The following DNAAF2 variants were observed in gnomAD, a reference collection of about 807,000 sequenced individuals.
DNAAF2 encodes the protein protein kintoun.
DNAAF2 carries 58 observed loss-of-function variants against 48.8 expected under a neutral mutation model. That is an observed-to-expected ratio of 1.19 (90% CI 0.96 to 1.48). The LOEUF is 1.48. Among genes scored for constraint, DNAAF2 ranks in the 40% most tolerant of loss-of-function variants. The pLI, the probability that DNAAF2 is intolerant of heterozygous loss-of-function variation, is 0.00. For synonymous variants in DNAAF2, 567 were observed against 481.2 expected (o/e 1.18, Z -2.33); for missense variants, 1,241 against 1,116.1 (o/e 1.11, Z -1.59).
intron 1 of DNAAF2, among the ~76,000 whole-genome samples, chr14:49,630,234 C>CAAATAAATAAATAAATAAATAAAT (rs55681110): frequency 1.4e-5 from 2 of 147,060 alleles, no homozygotes; most frequent in South Asian, 2.2e-4. Context: ...CTCTGTCTCC[C>CAAATAAATAAATAAATAAATAAAT]AAATAAATAA....
At chr14:49,632,447 CTT>C (rs3029726) in intron 1 of DNAAF2, among the ~76,000 whole-genome samples, 64,367 of 146,940 alleles carry the variant, frequency 0.44, 15,278 homozygotes, top group Middle Eastern at 0.54. Flanking sequence ...CTTAATTTTT[CTT>C]TTTTTTTTTT....
intron 1 of DNAAF2, among the ~76,000 whole-genome samples, chr14:49,631,177 C>T (rs564927474): frequency 5.5e-4 from 83 of 152,292 alleles, no homozygotes; most frequent in Admixed American, 9.2e-4. Context: ...TCCAGAATAA[C>T]ACAGTGTTAC....
Position 49,634,022 on chromosome 14 carries a change from G to C in DNAAF2, c.1128C>G (p.Asp376Glu), listed in dbSNP as rs764335344. 4.2e-5 allele frequency: 64 copies of C among 1,522,400 alleles called. No homozygotes were observed. Among genetic ancestry groups the C allele is most frequent in the Non-Finnish European group, 4.3e-5 (49 of 1,140,896 alleles). 94.3% of individuals were successfully genotyped at this position (1,522,400 alleles called of 1,614,324 possible). Reference protein sequence around the residue: ...PEESADRSGTDGQACASAREG... With the variant: ...PEESADRSGTEGQACASAREG... Reference sequence around the variant, plus strand: ...CGCGAGCGGAAGCGCAGGCCTGGCCGTCAGTTCCGGACCGGTCCGCGGACT... The same window carrying C: ...CGCGAGCGGAAGCGCAGGCCTGGCCCTCAGTTCCGGACCGGTCCGCGGACT... The change falls in exon 1 of 3, where the codon GAC becomes GAG. Residue 376 changes from aspartate to glutamate, a missense_variant. Physicochemically the swap from Asp to Glu is conservative, Grantham distance 45. Transcript: ENST00000298292.
rs151051293 is a variant in DNAAF2 at position 49,625,581 on chromosome 14, T to G, written c.2475A>C (p.Ala825=). 1 of 1,606,010 alleles carries G rather than the reference T, an allele frequency of 6.2e-7. No homozygotes were observed. Among genetic ancestry groups the G allele is most frequent in the Non-Finnish European group, 8.5e-7 (1 of 1,177,114 alleles). ...QVIKDHVTNC[A]FSFQNSLLYD... ...ATAGCAAAGAATTCTGAAAACTGAA[T>G]GCACAATTGGTCACATGATCTTTAA... The change falls in exon 3 of 3, where the codon GCA becomes GCC. Residue 825 remains alanine (A), a synonymous_variant. Coordinates refer to ENST00000298292, the MANE Select transcript of DNAAF2 (RefSeq NM_018139.3).
Position 49,634,606 on chromosome 14 carries a change from G to C in DNAAF2, c.544C>G (p.Arg182Gly), listed in dbSNP as rs1227265660. 1 of 1,606,552 alleles carries C rather than the reference G, an allele frequency of 6.2e-7. No homozygotes were observed. The highest frequency in any genetic ancestry group is 8.5e-7 in the Non-Finnish European group (1 of 1,179,752). The change falls in exon 1 of 3, where the codon CGC becomes GGC. Residue 182 changes from arginine to glycine, a missense_variant. Transcript: ENST00000298292. ...VEKQFGVKLD[R>G]RNAKTLKAKY... is the part of the protein sequence containing the mutation. Reference sequence around the variant, plus strand: ...GCCTTCAGGGTCTTGGCATTCCTGCGGTCCAGCTTCACGCCGAACTGCTTC... The same window carrying C: ...GCCTTCAGGGTCTTGGCATTCCTGCCGTCCAGCTTCACGCCGAACTGCTTC...
Position 49,634,557 on chromosome 14 carries a change from G to T in DNAAF2, c.593C>A (p.Ala198Asp). Residue 198 changes from alanine (A) to aspartate (D), a missense_variant, in exon 1 of 3, where the codon GCT becomes GAT. Coordinates refer to ENST00000298292, the MANE Select transcript of DNAAF2 (RefSeq NM_018139.3). Reference sequence around the variant, plus strand: ...GGGCAGGGGCGTGCGCAGCACCGCAGCCTCTGGGGTCCCCTTATACTTGGC... The same window carrying T: ...GGGCAGGGGCGTGCGCAGCACCGCATCCTCTGGGGTCCCCTTATACTTGGC... ...LKAKYKGTPE[A>D]AVLRTPLPGV... 1.2e-6 allele frequency: 2 copies of T among 1,603,964 alleles called. No homozygotes were observed. Among genetic ancestry groups the T allele is most frequent in the South Asian group, 2.2e-5 (2 of 91,084 alleles).
At position 49,633,378 on chromosome 14, in the gene DNAAF2, G is replaced by T; in HGVS notation, c.1772C>A (p.Ser591Ter). 1.2e-6 allele frequency: 2 copies of T among 1,614,060 alleles called. No individual in the cohort carries two copies. The highest frequency in any genetic ancestry group is 1.7e-6 in the Non-Finnish European group (2 of 1,179,904). Residue 591 changes from serine (S) to a stop codon, truncating the protein, a stop_gained, in exon 1 of 3, where the codon TCA (serine) becomes TAA (stop). Transcript: ENST00000298292. LOFTEE classifies it high-confidence loss of function. ...STTEPVISIS[S>*]NNAVIELAKS... ...TGCCAGTTCTATCACTGCATTGTTT[G>T]AAGAAATGCTAATCACAGGTTCTGT...
intron 1 of DNAAF2, among the ~76,000 whole-genome samples, chr14:49,631,511 G>A (rs537340715): frequency 2.4e-4 from 36 of 152,258 alleles, no homozygotes; most frequent in African/African-American, 7.7e-4. Flanking sequence ...TGTAGGCCCA[G>A]CTACTCGGGA....
Position 49,635,105 on chromosome 14 carries a change from C to T in DNAAF2, c.45G>A (p.Leu15=). The change falls in exon 1 of 3, where the codon CTG becomes CTA. Residue 15 remains leucine, a synonymous_variant. Transcript: ENST00000298292. ...AASSSLEDLD[L]SGEEVQRLTS... ...TGAGCCGCTGGACCTCCTCTCCGCT[C>T]AGGTCCAAGTCCTCCAGCGACGAGG... 6.3e-7 allele frequency: 1 copy of T among 1,577,360 alleles called. No individual in the cohort carries two copies. Among genetic ancestry groups the T allele is most frequent in the South Asian group, 1.2e-5 (1 of 86,248 alleles).
intron 1 of DNAAF2, among the ~76,000 whole-genome samples, chr14:49,632,836 A>T (rs1883197884): frequency 6.6e-6 from 1 of 152,210 alleles, no homozygotes; most frequent in Non-Finnish European, 1.5e-5. Context: ...AGCTAAAAAA[A>T]TTACATGTAA....
Position 49,634,450 on chromosome 14 carries a change from G to A in DNAAF2, c.700C>T (p.Pro234Ser), listed in dbSNP as rs776126134. ...GGAGGGGAGGGCGCCCGGGGCCCGG[G>A]GGCTGCCGGGTACTGGTAAGGGTAG... ...FPYPYQYPAAPGPRAPSPPEA... is the reference protein window; with the variant it reads ...FPYPYQYPAASGPRAPSPPEA... The change falls in exon 1 of 3, where the codon CCC (proline) becomes TCC (serine). Residue 234 changes from proline (P) to serine (S), a missense_variant. Coordinates refer to ENST00000298292, the MANE Select transcript of DNAAF2 (RefSeq NM_018139.3). 52 of 1,558,820 alleles carry A rather than the reference G, an allele frequency of 3.3e-5. No homozygotes were observed. In the African/African-American group the frequency reaches 4.9e-4, roughly 15 times the overall value.
At position 49,634,516 on chromosome 14, in the gene DNAAF2, T is replaced by C. The variant is rs1168150691; in HGVS notation, c.634A>G (p.Arg212Gly). 1.9e-6 allele frequency: 3 copies of C among 1,600,662 alleles called. No homozygotes were observed. The South Asian group carries it at 3.3e-5, about 18-fold the overall frequency. Reference sequence around the variant, plus strand: ...GGACCCTTCGGCTCCCCGTCAGGCCTTGCGGGGATGACCCCGGGCAGGGGC... The same window carrying C: ...GGACCCTTCGGCTCCCCGTCAGGCCCTGCGGGGATGACCCCGGGCAGGGGC... ...RTPLPGVIPA[R>G]PDGEPKGPLP... is the part of the protein sequence containing the mutation. The change falls in exon 1 of 3, where the codon AGG (arginine) becomes GGG (glycine). Residue 212 changes from arginine to glycine, a missense_variant. Transcript: ENST00000298292.
In DNAAF2 at chr14:49,634,777, G is replaced by A; in HGVS notation, c.373C>T (p.Leu125=). 1 of 1,584,468 alleles carries A rather than the reference G, an allele frequency of 6.3e-7. No homozygotes were observed. The highest frequency in any genetic ancestry group is 1.3e-5 in the African/African-American group (1 of 74,562). The part of the protein sequence containing the change: ...PGSHWSLPYS[L]APGREYAGRS... ...CCCGCGTACTCGCGGCCGGGCGCCA[G>A]GCTGTAGGGCAGGGACCAGTGGCTG... is the stretch of plus-strand genomic sequence containing the variant. The change falls in exon 1 of 3, where the codon CTG becomes TTG. Residue 125 remains leucine (L), a synonymous_variant. Coordinates refer to ENST00000298292, the MANE Select transcript of DNAAF2 (RefSeq NM_018139.3).
intron 1 of DNAAF2, chr14:49,629,732 C>T (rs1166111914): frequency 6.6e-6 from 1 of 152,022 alleles, no homozygotes; most frequent in Non-Finnish European, 1.5e-5. Context: ...TCTCCAACTC[C>T]TGGATTCAAG....
rs1555327917 is a variant in DNAAF2 at position 49,633,594 on chromosome 14, TC to T, written c.1555del (p.Glu519SerfsTer16). ...ACACAGTAACGGAGGACACAAAGGC[TC>T]CCCGCTCTTGGTCCCGGGACCACCC... ...AMGGPGTKSG[E>X]PLCPPLLCNQ... On this transcript the variant is annotated frameshift_variant, in exon 1 of 3. Coordinates refer to ENST00000298292, the MANE Select transcript of DNAAF2 (RefSeq NM_018139.3). LOFTEE classifies it high-confidence loss of function. 1 of 1,613,828 alleles carries T rather than the reference TC, an allele frequency of 6.2e-7. No individual in the cohort carries two copies. Among genetic ancestry groups the T allele is most frequent in the Non-Finnish European group, 8.5e-7 (1 of 1,179,858 alleles).
Position 49,633,516 on chromosome 14 carries a change from G to A in DNAAF2, c.1634C>T (p.Pro545Leu), listed in dbSNP as rs761139069. Residue 545 changes from proline (P) to leucine (L), a missense_variant, in exon 1 of 3, where the codon CCG becomes CTG. Coordinates refer to ENST00000298292, the MANE Select transcript of DNAAF2 (RefSeq NM_018139.3). Reference protein sequence around the residue: ...TLLIQVPRIQPQSLQGDLNPL... With the variant: ...TLLIQVPRIQLQSLQGDLNPL... Reference sequence around the variant, plus strand: ...ATTCAAATCTCCTTGAAGACTTTGCGGCTGGATCCGAGGCACCTGAATGAG... The same window carrying A: ...ATTCAAATCTCCTTGAAGACTTTGCAGCTGGATCCGAGGCACCTGAATGAG... The A allele has an allele frequency of 5.6e-6, 9 of 1,614,024 alleles. No homozygotes were observed. In the South Asian group the frequency reaches 8.8e-5, roughly 16 times the overall value.
chr14:49,630,674 C>CACACAG (rs758785810), intron 1 of DNAAF2, among the ~76,000 whole-genome samples: 6 of 140,134 alleles, frequency 4.3e-5, no homozygotes, highest in Non-Finnish European at 7.8e-5. Flanking sequence ...TCTCTCCACA[C>CACACAG]ACACACACAC....
Position 49,634,249 on chromosome 14 carries a change from C to T in DNAAF2, c.901G>A (p.Glu301Lys). The T allele has an allele frequency of 6.2e-7, 1 of 1,612,386 alleles. No homozygotes were observed. The highest frequency in any genetic ancestry group is 8.5e-7 in the Non-Finnish European group (1 of 1,179,792). Residue 301 changes from glutamate to lysine, a missense_variant, in exon 1 of 3, where the codon GAG (glutamate) becomes AAG (lysine). Coordinates refer to ENST00000298292, the MANE Select transcript of DNAAF2 (RefSeq NM_018139.3). ...AGGCACAGCAGCTTTCTCGTTACCT[C>T]CAGCGCCGCCTGCTCGGCCGAGCGC... ...LLRSAEQAAL[E>K]VTRKLLCLDS...
intron 1 of DNAAF2, among the ~76,000 whole-genome samples, chr14:49,630,684 CACACACACACACACACATAAACTCTCT>C (rs1883129376): frequency 6.8e-6 from 1 of 147,230 alleles, no homozygotes; most frequent in East Asian, 1.9e-4. Flanking sequence ...CACACACACA[CACACACACACACACACATAAACTCTCT>C]ACACACACAC....
Sources: gnomAD v4.1 joint callset for allele counts (sites outside exome capture counted in the v4.1 genomes callset) on GRCh38, gnomAD v4.1.1 for gene constraint, MANE v1.5 for transcripts, NCBI Gene and HGNC (gene_info 2026-07-23, HGNC 2026-07-21) for gene names.